Variants in RAB40C observed in about 807,000 individuals in gnomAD.
The protein encoded by RAB40C is RAB40C, member RAS oncogene family, also known as ras-related protein Rab-40C.
A neutral mutation model predicts 28.1 loss-of-function variants in RAB40C; 8 were observed. That is an observed-to-expected ratio of 0.28 (90% confidence interval 0.17 to 0.51). RAB40C has a LOEUF of 0.51. Ranked by LOEUF, RAB40C falls within the 20% of genes least tolerant of loss-of-function variation. The probability of loss-of-function intolerance (pLI) is 0.97; values close to 1 mark genes in which losing one functional copy is unlikely to be tolerated. For synonymous variants in RAB40C, 201 were observed against 171.7 expected, an observed-to-expected ratio of 1.17 and a Z score of -1.34; for missense variants, 288 against 405.9, an observed-to-expected ratio of 0.71 and a Z score of 2.50.
Position 625,928 on chromosome 16 carries a change from T to C in RAB40C, c.372T>C (p.Val124=). Residue 124 remains valine, a synonymous_variant, in exon 5 of 6, where the codon GTT becomes GTC. Coordinates refer to ENST00000248139, the MANE Select transcript of RAB40C (RefSeq NM_021168.5). ...EHAPGVPRIL[V]GNRLHLAFKR... Reference sequence around the variant, plus strand: ...CACCCGGAGTCCCCCGGATCTTGGTTGGAAACCGGCTGCACCTGGCCTTCA... The same window carrying C: ...CACCCGGAGTCCCCCGGATCTTGGTCGGAAACCGGCTGCACCTGGCCTTCA... 1 of 1,613,114 alleles carries C rather than the reference T, an allele frequency of 6.2e-7. No homozygotes were observed. The highest frequency in any genetic ancestry group is 1.6e-4 in the Middle Eastern group (1 of 6,062).
rs370535109 is a variant in RAB40C, at chr16:618,270, G to A, written c.264+10G>A. On this transcript the variant is annotated intron_variant, in intron 3 of 5. Coordinates refer to ENST00000248139, the MANE Select transcript of RAB40C (RefSeq NM_021168.5). ...CTCCAGGGGCGCTCAGGTAAGACCA[G>A]CACCGCTCTTTCCATTGCTTTTCAA... The A allele has an allele frequency of 7.5e-6, 12 of 1,606,122 alleles. No individual in the cohort carries two copies. The highest frequency in any genetic ancestry group is 1.3e-5 in the African/African-American group (1 of 74,490).
intron 1 of RAB40C, among the ~76,000 whole-genome samples, chr16:598,962 C>T (rs1022265629): frequency 6.6e-6 from 1 of 152,188 alleles, no homozygotes; most frequent in Non-Finnish European, 1.5e-5. Flanking sequence ...CCGGGGCCGG[C>T]GGCTGCTGCT....
intron 2 of RAB40C, among the ~76,000 whole-genome samples, chr16:617,791 T>A (rs111826295): frequency 0.15 from 22,528 of 151,722 alleles, 1,951 homozygotes; most frequent in South Asian, 0.24. Flanking sequence ...TGCAGTGAGC[T>A]GAGATTGCAC....
intron 1 of RAB40C, among the ~76,000 whole-genome samples, chr16:613,123 TGGCCTGTAGAATCAAGAGCAGGGACAGCC>T (rs2036516843): frequency 8.1e-6 from 1 of 122,968 alleles, no homozygotes; most frequent in Non-Finnish European, 1.7e-5. Flanking sequence ...ACAGCCGCCC[TGGCCTGTAGAATCAAGAGCAGGGACAGCC>T]GCCCTGGCCT....
At position 598,654 on chromosome 16, in the gene RAB40C, C is replaced by G. The variant is rs548178916; in HGVS notation, c.142+8221C>G. 3.2e-4 allele frequency among the ~76,000 whole-genome samples: 48 copies of G among 151,600 alleles called. 1 individual carries two copies. The highest frequency in any genetic ancestry group is 4.9e-4 in the Non-Finnish European group (33 of 67,948). On this transcript the variant is annotated intron_variant, in intron 1 of 5. Coordinates refer to ENST00000248139, the MANE Select transcript of RAB40C (RefSeq NM_021168.5). Reference sequence around the variant, plus strand: ...TTACTTGGGAGGCTGAGGTGGGAAACTCACTGGAGCCTGGGAGGTGGTGGC... The same window carrying G: ...TTACTTGGGAGGCTGAGGTGGGAAAGTCACTGGAGCCTGGGAGGTGGTGGC...
chr16:622,026 G>A (rs930229607), intron 3 of RAB40C, among the ~76,000 whole-genome samples: 3 of 152,196 alleles, frequency 2.0e-5, no homozygotes, highest in Non-Finnish European at 4.4e-5. Flanking sequence ...CTTCACTCTC[G>A]CTGGCTGTAC....
rs996536845 is a variant in RAB40C at position 610,364 on chromosome 16, C to G, written c.143-6844C>G. Among the ~76,000 whole-genome samples, 4 of 102,948 alleles carry G rather than the reference C, an allele frequency of 3.9e-5. No homozygotes were observed. Among genetic ancestry groups the G allele is most frequent in the African/African-American group, 1.5e-4 (4 of 27,318 alleles). The allele number at this position is 102,948 out of a possible 152,430, so 67.5% of individuals were successfully genotyped here. Reference sequence around the variant, plus strand: ...AAGAGGGTTATTGGGAACAGTAAACCTGAGGTGGTGAGCAAGGCCTGTGGC... The same window carrying G: ...AAGAGGGTTATTGGGAACAGTAAACGTGAGGTGGTGAGCAAGGCCTGTGGC... On this transcript the variant is annotated intron_variant, in intron 1 of 5. Coordinates refer to ENST00000248139, the MANE Select transcript of RAB40C (RefSeq NM_021168.5). The surrounding 1 kb of genome is among the most constrained non-coding windows in gnomAD (Gnocchi z 4.6).
chr16:593,884 CT>C (rs2036054550), intron 1 of RAB40C, among the ~76,000 whole-genome samples: 1 of 152,166 alleles, frequency 6.6e-6, no homozygotes, highest in Non-Finnish European at 1.5e-5. Context: ...TAGAGTGCCC[CT>C]GGGTGATGGT....
chr16:590,466 C>T, intron 1 of RAB40C, 33 bp downstream of exon 1: 1 of 1,522,586 alleles, frequency 6.6e-7, no homozygotes, highest in East Asian at 2.7e-5. Flanking sequence ...CGCTGCTACG[C>T]GGGGCCCGAG....
At chr16:604,647 C>T (rs1407818297) in intron 1 of RAB40C, among the ~76,000 whole-genome samples, 1 of 152,166 alleles carries the variant, frequency 6.6e-6, no homozygotes, top group African/African-American at 2.4e-5. Flanking sequence ...GAAGGTGTTT[C>T]TGTTCCCTTA....
In RAB40C at chr16:627,664, C is replaced by T. The variant is rs768691724; in HGVS notation, c.*42C>T. 6.3e-5 allele frequency: 97 copies of T among 1,532,540 alleles called. No homozygotes were observed. Among genetic ancestry groups the T allele is most frequent in the Non-Finnish European group, 8.2e-5 (93 of 1,138,712 alleles). 94.9% of individuals were successfully genotyped at this position (1,532,540 alleles called of 1,614,324 possible). A position where few individuals can be genotyped will look rare whatever the true frequency, so the allele number is the denominator to read the frequency against. ...CGCCTGTGCAGATGCCAGGAGGGCT[C>T]GAGCTGGACACTCCTGGCTGGACGC... On this transcript the variant is annotated 3_prime_UTR_variant, in exon 6 of 6. Coordinates refer to ENST00000248139, the MANE Select transcript of RAB40C (RefSeq NM_021168.5).
At chr16:606,700 G>A (rs1409233585) in intron 1 of RAB40C, among the ~76,000 whole-genome samples, 2 of 152,218 alleles carry the variant, frequency 1.3e-5, no homozygotes, top group Non-Finnish European at 2.9e-5. Flanking sequence ...GCTTCTCCAG[G>A]CCGCCTGCGT....
chr16:598,090 C>T (rs2036171419), intron 1 of RAB40C, among the ~76,000 whole-genome samples: 2 of 148,742 alleles, frequency 1.3e-5, no homozygotes, highest in South Asian at 4.3e-4. Context: ...ACTAAAAATA[C>T]AAAAATTGGC....
At chr16:616,570 C>T (rs2036590335) in intron 1 of RAB40C, 1 of 152,204 alleles carries the variant, frequency 6.6e-6, no homozygotes, top group Admixed American at 6.5e-5. Flanking sequence ...AAACTCCCGA[C>T]CTCATGATCC....
chr16:625,760 G>A, intron 4 of RAB40C, 139 bp from the exon 5 acceptor site: 1 of 940,850 alleles, frequency 1.1e-6, no homozygotes. Flanking sequence ...CCTGGGGTCT[G>A]CCCACCTTGA....
At chr16:624,410 G>C in intron 3 of RAB40C, 1 of 985,464 alleles carries the variant, frequency 1.0e-6, no homozygotes, top group Non-Finnish European at 1.2e-6. Flanking sequence ...TGGCCTCGAA[G>C]GGTCTCCCTC....
In RAB40C at chr16:593,318, G is replaced by T. The variant is rs139614950; in HGVS notation, c.142+2885G>T. On this transcript the variant is annotated intron_variant, in intron 1 of 5. Coordinates refer to ENST00000248139, the MANE Select transcript of RAB40C (RefSeq NM_021168.5). ...TGGTTCTCAGGACTCAGCATCTTGA[G>T]AATTTATTCTCCTTTGAAAGAGTTG... Among the ~76,000 whole-genome samples the T allele has an allele frequency of 2.6e-4, 39 of 152,368 alleles. 1 individual carries two copies. The Middle Eastern group carries it at 0.017, about 66-fold the overall frequency.
intron 1 of RAB40C, among the ~76,000 whole-genome samples, chr16:616,283 A>G (rs932784528): frequency 6.6e-6 from 1 of 151,696 alleles, no homozygotes; most frequent in Non-Finnish European, 1.5e-5. Context: ...CCAATGTGGC[A>G]GGCAGGCTGG....
Position 592,715 on chromosome 16 carries a change from G to A in RAB40C, c.142+2282G>A, listed in dbSNP as rs1596395154. ...TTTGTGCATGTTCAGAAGAGCACGG[G>A]AAGGATTGGGTTTCATCAATCGGTG... is the stretch of plus-strand genomic sequence containing the variant. On this transcript the variant is annotated intron_variant, in intron 1 of 5. Transcript: ENST00000248139. Among the ~76,000 whole-genome samples the A allele has an allele frequency of 4.6e-5, 7 of 152,360 alleles. 1 individual carries two copies. In the South Asian group the frequency reaches 1.4e-3, roughly 32 times the overall value.
Sources: gnomAD v4.1 joint callset for allele counts (sites outside exome capture counted in the v4.1 genomes callset) on GRCh38, gnomAD v4.1.1 for gene constraint, Gnocchi (gnomAD v3.1) non-coding constraint, MANE v1.5 for transcripts, NCBI Gene and HGNC (gene_info 2026-07-23, HGNC 2026-07-21) for gene names.